The following VMA22 variants were observed in gnomAD, a reference collection of about 807,000 sequenced individuals.
VMA22 encodes vacuolar ATPase assembly factor VMA22.
chr2:130,341,499 C>G, the VMA22 span: 115 of 606,422 alleles, frequency 1.9e-4, no homozygotes, highest in African/African-American at 2.0e-3. Context: ...CCAACAATTT[C>G]TCTACTTCCT....
the VMA22 span, chr2:130,339,801 T>C: frequency 7.7e-7 from 1 of 1,297,446 alleles, no homozygotes; most frequent in Non-Finnish European, 1.0e-6. Flanking sequence ...CTTGACTGGC[T>C]TCTCCCCTCT....
At chr2:130,341,801 G>GGGGCCC in the VMA22 span, 1 of 1,378,122 alleles carries the variant, frequency 7.3e-7, no homozygotes, top group Non-Finnish European at 9.9e-7. Context: ...CCTAGAACGC[G>GGGGCCC]CCCGCCCGCC....
the VMA22 span, chr2:130,341,602 C>T: frequency 7.5e-7 from 1 of 1,325,638 alleles, no homozygotes; most frequent in Non-Finnish European, 1.1e-6. Flanking sequence ...TTTAAATCAT[C>T]TCCATAATTT....
the VMA22 span, chr2:130,342,252 C>T: frequency 6.5e-7 from 1 of 1,537,302 alleles, no homozygotes. Context: ...ACGCCGGCAG[C>T]ACCAAGGCCT....
the VMA22 span, chr2:130,341,424 T>C: frequency 1.8e-6 from 1 of 566,740 alleles, no homozygotes. Flanking sequence ...CACAGATAAA[T>C]ATTTTCTGTT....
the VMA22 span, chr2:130,341,801 G>GACCCCC: frequency 7.3e-7 from 1 of 1,378,140 alleles, no homozygotes; most frequent in Non-Finnish European, 9.9e-7. Flanking sequence ...CCTAGAACGC[G>GACCCCC]CCCGCCCGCC....
chr2:130,341,516 G>A, the VMA22 span: 1 of 645,908 alleles, frequency 1.5e-6, no homozygotes, highest in East Asian at 2.8e-5. Flanking sequence ...TCCTATAAAA[G>A]TCTAAGGCAA....
chr2:130,339,368 G>A, the VMA22 span: 26 of 1,335,002 alleles, frequency 1.9e-5, no homozygotes, highest in African/African-American at 3.0e-4. Context: ...TTCCAGGTAC[G>A]GCCCTGCATT....
At chr2:130,338,926 G>A in the VMA22 span, 2 of 579,532 alleles carry the variant, frequency 3.5e-6, no homozygotes, top group African/African-American at 1.9e-5. Context: ...TCAAAGTAGT[G>A]GCTTTCAAAA....
the VMA22 span, chr2:130,339,876 A>G: frequency 1.7e-6 from 2 of 1,201,608 alleles, no homozygotes; most frequent in Non-Finnish European, 2.1e-6. Context: ...TCAGCTTTAA[A>G]CCAGTGTTTG....
chr2:130,341,531 ACCC>A, the VMA22 span: 2 of 723,980 alleles, frequency 2.8e-6, no homozygotes, highest in Non-Finnish European at 4.6e-6. Context: ...AGGCAAAACC[ACCC>A]TACAAAAACA....
chr2:130,342,009 G>T, the VMA22 span: 2 of 1,613,564 alleles, frequency 1.2e-6, no homozygotes, highest in Non-Finnish European at 1.7e-6. Context: ...CGCCCCAGGC[G>T]CCTACCTCCT....
At chr2:130,342,643 A>G in the VMA22 span, 1 of 484,386 alleles carries the variant, frequency 2.1e-6, no homozygotes, top group Middle Eastern at 5.6e-4. Context: ...TGGGGGGAGG[A>G]CGAGGATGGA....
the VMA22 span, chr2:130,341,691 C>G: frequency 6.2e-7 from 1 of 1,611,720 alleles, no homozygotes; most frequent in Non-Finnish European, 8.5e-7. Flanking sequence ...CCCACCTCCT[C>G]TGGGGCGTGG....
At chr2:130,341,026 G>A in the VMA22 span, 1 of 1,610,224 alleles carries the variant, frequency 6.2e-7, no homozygotes, top group Non-Finnish European at 8.5e-7. Context: ...TGGGGCCCTT[G>A]CGCCTCCGCA....
chr2:130,339,848 T>C, the VMA22 span: 1 of 1,256,256 alleles, frequency 8.0e-7, no homozygotes, highest in African/African-American at 1.5e-5. Flanking sequence ...CCAGGCCCTC[T>C]GCTGATCTCA....
chr2:130,341,846 G>T, the VMA22 span: 1 of 1,338,930 alleles, frequency 7.5e-7, no homozygotes, highest in Non-Finnish European at 1.0e-6. Flanking sequence ...CTCACCTGGC[G>T]TGGAGGCAGA....
At chr2:130,339,288 G>C in the VMA22 span, 5 of 1,494,866 alleles carry the variant, frequency 3.3e-6, no homozygotes, top group African/African-American at 6.9e-5. Context: ...CACGACCCAG[G>C]AGGATCTGGA....
chr2:130,340,970 A>G, the VMA22 span: 1 of 1,613,912 alleles, frequency 6.2e-7, no homozygotes, highest in South Asian at 1.1e-5. Context: ...AAACCAGTTC[A>G]GGGGGTCCTG....
Sources: gnomAD v4.1 joint callset for allele counts on GRCh38, gnomAD v4.1.1 for gene constraint, MANE v1.5 for transcripts, NCBI Gene and HGNC (gene_info 2026-07-23, HGNC 2026-07-21) for gene names.